TTN: variants seen among roughly 807,000 people sequenced by gnomAD.
The protein encoded by TTN is connectin.
A neutral mutation model predicts 3,223.0 loss-of-function variants in TTN; 1,525 were observed. The observed-to-expected ratio is 0.47, with a 90% CI of 0.45 to 0.49. TTN has a LOEUF of 0.49. Among genes scored for constraint, TTN ranks in the 20% least tolerant of loss-of-function variants. The pLI is 0.00. For missense variants in TTN, 40,786 were observed against 43,424.0 expected (o/e 0.94, Z 5.40); for synonymous variants, 14,094 against 15,161.0 (o/e 0.93, Z 5.17).
At chr2:178,672,798 A>C (rs1264537733) in intron 152 of TTN, 95 bp from the exon 153 acceptor site, 1 of 1,059,132 alleles carries the variant, frequency 9.4e-7, no homozygotes, top group East Asian at 2.6e-5. Context: ...ACAATAATTA[A>C]AGTTTTTCAG....
In TTN at chr2:178,582,197, G is replaced by A. The variant is rs199643269; in HGVS notation, c.66172C>T (p.Arg22058Cys). 135 of 1,603,578 alleles carry A rather than the reference G, an allele frequency of 8.4e-5. No individual in the cohort carries two copies. The African/African-American group carries it at 1.2e-3, about 14-fold the overall frequency. ...TTGCTAATAACAGGAGGATCACAGC[G>A]TCCTGGTGGGTCTGCAGAAATTGAT... ...IAKNPYDPPG[R>C]CDPPVISNIT... Residue 22058 changes from arginine to cysteine, a missense_variant, in exon 315 of 363, where the codon CGC (arginine) becomes TGC (cysteine). Transcript: ENST00000589042.
intron 123 of TTN, 58 bp from the exon 124 acceptor site, chr2:178,689,431 A>T: frequency 6.2e-7 from 1 of 1,606,578 alleles, no homozygotes; most frequent in Non-Finnish European, 8.5e-7. Context: ...AATGAGCAAC[A>T]TAGAAGTGGC....
rs775766481 is a variant in TTN at position 178,730,585 on chromosome 2, C to G, written c.17948G>C (p.Gly5983Ala). ...TAFLEISQLEGTDSGTYTCSA... is the reference protein window; with the variant it reads ...TAFLEISQLEATDSGTYTCSA... ...ACAAGTGTATGTCCCACTGTCTGTA[C>G]CTTCCAGCTGGCTGATTTCCAAGAA... Residue 5983 changes from glycine to alanine, a missense_variant, in exon 61 of 363, where the codon GGT becomes GCT. Coordinates refer to ENST00000589042, the MANE Select transcript of TTN (RefSeq NM_001267550.2). 3.1e-6 allele frequency: 5 copies of G among 1,613,504 alleles called. No homozygotes were observed. The highest frequency in any genetic ancestry group is 2.7e-5 in the African/African-American group (2 of 74,880).
intron 294 of TTN, among the ~76,000 whole-genome samples, chr2:178,596,319 A>G (rs867598925): frequency 1.3e-5 from 2 of 152,044 alleles, no homozygotes; most frequent in Admixed American, 6.6e-5. Flanking sequence ...TAGGTTTGCA[A>G]CAGTTATTGG....
chr2:178,779,191 A>C (rs1469924446), intron 23 of TTN, 38 bp downstream of exon 23: 1 of 1,613,066 alleles, frequency 6.2e-7, no homozygotes, highest in South Asian at 1.1e-5. Context: ...TTGTATCTTT[A>C]CTGTGGCAAG....
At position 178,572,574 on chromosome 2, in the gene TTN, G is replaced by T; in HGVS notation, c.73558C>A (p.Pro24520Thr). The T allele has an allele frequency of 6.2e-7, 1 of 1,613,396 alleles. No individual in the cohort carries two copies. Among genetic ancestry groups the T allele is most frequent in the Non-Finnish European group, 8.5e-7 (1 of 1,179,596 alleles). Residue 24520 changes from proline to threonine, a missense_variant, in exon 326 of 363, where the codon CCA becomes ACA. Physicochemically the swap from Pro to Thr is conservative, Grantham distance 38 (BLOSUM62 -1). Coordinates refer to ENST00000589042, the MANE Select transcript of TTN (RefSeq NM_001267550.2). ...ACCTTCAGATCCTGTGGGGGGCCTG[G>T]TGTATCGAGAACTCTAACATTGACA... ...AFVNVRVLDT[P>T]GPPQDLKVKE...
In TTN at chr2:178,766,630, T is replaced by TA. The variant is rs201990196; in HGVS notation, c.9472-19dup. The TA allele has an allele frequency of 1.2e-5, 19 of 1,593,294 alleles. No homozygotes were observed. The African/African-American group carries it at 1.8e-4, about 15-fold the overall frequency. ...TCAATGACCTGTTGATGGAACAACA[T>TA]AAAAAAACAACAACAACAACAAAAA... On this transcript the variant is annotated intron_variant, in intron 40 of 362. Transcript: ENST00000589042.
At chr2:178,748,553 A>G (rs977746403) in intron 47 of TTN, 11 of 1,612,950 alleles carry the variant, frequency 6.8e-6, no homozygotes, top group Non-Finnish European at 9.3e-6. Context: ...TTTTAGATCA[A>G]ATACAATGTT....
At position 178,789,455 on chromosome 2, in the gene TTN, C is replaced by T; in HGVS notation, c.1981G>A (p.Val661Ile). The change falls in exon 13 of 363, where the codon GTT becomes ATT. Residue 661 changes from valine to isoleucine, a missense_variant. Transcript: ENST00000589042. ...TGTTCTTTGGCTTTAGCAGTAGCAA[C>T]TGCTATTGTAGACAAGGCAGTTTTC... ...AEKTALSTIA[V>I]ATAKAKEQET... 6.2e-7 allele frequency: 1 copy of T among 1,613,488 alleles called. No homozygotes were observed. The highest frequency in any genetic ancestry group is 8.5e-7 in the Non-Finnish European group (1 of 1,179,590).
Position 178,565,675 on chromosome 2 carries a change from C to T in TTN, c.80457G>A (p.Met26819Ile), listed in dbSNP as rs749446343. 1.3e-5 allele frequency: 21 copies of T among 1,613,496 alleles called. No individual in the cohort carries two copies. Among genetic ancestry groups the T allele is most frequent in the Admixed American group, 1.7e-5 (1 of 59,976 alleles). The change falls in exon 326 of 363, where the codon ATG becomes ATA. Residue 26819 changes from methionine (M) to isoleucine (I), a missense_variant. Met to Ile is a conservative substitution (Grantham distance 10). Transcript: ENST00000589042. ...GSRVLGYVVE[M>I]QPKGTEKWSI... Reference sequence around the variant, plus strand: ...TCCATTTTTCAGTTCCTTTGGGCTGCATTTCAACAACGTACCCCAGGACTC... The same window carrying T: ...TCCATTTTTCAGTTCCTTTGGGCTGTATTTCAACAACGTACCCCAGGACTC...
intron 114 of TTN, 33 bp from the exon 115 acceptor site, chr2:178,695,443 C>T: frequency 1.3e-6 from 2 of 1,560,648 alleles, no homozygotes; most frequent in South Asian, 1.1e-5. Flanking sequence ...AGAAGGGATG[C>T]TTAAATAGGT....
At position 178,604,736 on chromosome 2, in the gene TTN, G is replaced by A. The variant is rs373881551; in HGVS notation, c.54353C>T (p.Thr18118Ile). The part of the protein sequence containing the change: ...SRKKAEWEEV[T>I]NTAVEKRYGI... Reference sequence around the variant, plus strand: ...ATATCTTTTCTCTACAGCAGTGTTGGTGACTTCCTCCCATTCTGCTTTCTT... The same window carrying A: ...ATATCTTTTCTCTACAGCAGTGTTGATGACTTCCTCCCATTCTGCTTTCTT... The change falls in exon 281 of 363, where the codon ACC (threonine) becomes ATC (isoleucine). Residue 18118 changes from threonine to isoleucine, a missense_variant. Thr to Ile is a moderately conservative substitution (Grantham distance 89). Transcript: ENST00000589042. The A allele has an allele frequency of 6.2e-7, 1 of 1,611,516 alleles. No individual in the cohort carries two copies. Among genetic ancestry groups the A allele is most frequent in the Non-Finnish European group, 8.5e-7 (1 of 1,178,552 alleles).
chr2:178,640,172 A>G, intron 221 of TTN, 62 bp from the exon 222 acceptor site: 39 of 1,517,314 alleles, frequency 2.6e-5, no homozygotes, highest in Non-Finnish European at 3.4e-5. Flanking sequence ...TCACAAAGTC[A>G]AAACTAAAAT....
At chr2:178,702,014 G>C (rs757165634) in intron 109 of TTN, 26 bp downstream of exon 109, 2 of 1,604,946 alleles carry the variant, frequency 1.2e-6, no homozygotes, top group African/African-American at 1.3e-5. Context: ...TTGTAAGCAA[G>C]GATTGATTTT....
intron 317 of TTN, 45 bp from the exon 318 acceptor site, chr2:178,580,274 C>T (rs1214694724): frequency 6.2e-7 from 1 of 1,604,800 alleles, no homozygotes; most frequent in Non-Finnish European, 8.5e-7. Flanking sequence ...GTAAAAAATA[C>T]ATAAGCTATT....
chr2:178,615,772 G>C lies in TTN; in HGVS notation c.48329C>G (p.Thr16110Ser). Reference protein sequence around the residue: ...KTWTKVMDFVTDLEFTVPDLV... With the variant: ...KTWTKVMDFVSDLEFTVPDLV... ...ATCAGGAACTGTGAATTCTAGATCA[G>C]TCACAAAGTCCATAACCTGGGACAA... Residue 16110 changes from threonine (T) to serine (S), a missense_variant, in exon 258 of 363, where the codon ACT (threonine) becomes AGT (serine). Coordinates refer to ENST00000589042, the MANE Select transcript of TTN (RefSeq NM_001267550.2). 6.2e-7 allele frequency: 1 copy of C among 1,611,318 alleles called. No homozygotes were observed. The highest frequency in any genetic ancestry group is 8.5e-7 in the Non-Finnish European group (1 of 1,178,496).
At chr2:178,644,350 C>G in intron 218 of TTN, 198 bp downstream of exon 218, 1 of 472,434 alleles carries the variant, frequency 2.1e-6, no homozygotes, top group Non-Finnish European at 3.7e-6. Context: ...CATGTCTATA[C>G]ATGTATGAAA....
At chr2:178,709,420 CAT>C (rs1173860474) in intron 99 of TTN, 144 bp downstream of exon 99, 4 of 793,732 alleles carry the variant, frequency 5.0e-6, no homozygotes, top group African/African-American at 1.7e-5. Context: ...TTTTAGTAAA[CAT>C]ATGGAGTGAT....
Position 178,527,974 on chromosome 2 carries a change from G to T in TTN, c.107378-226C>A, listed in dbSNP as rs886590201. On this transcript the variant is annotated intron_variant, in intron 361 of 362. Coordinates refer to ENST00000589042, the MANE Select transcript of TTN (RefSeq NM_001267550.2). Reference sequence around the variant, plus strand: ...TATTTCTATCATTACATTACATGCAGGTGCTAGGAATCACTAGGAGAAAAA... The same window carrying T: ...TATTTCTATCATTACATTACATGCATGTGCTAGGAATCACTAGGAGAAAAA... The T allele has an allele frequency of 3.1e-5, 17 of 541,806 alleles. No homozygotes were observed. The African/African-American group carries it at 3.2e-4, about 10-fold the overall frequency. The allele number at this position is 541,806 out of a possible 1,614,324, so 33.6% of individuals were successfully genotyped here. A position where few individuals can be genotyped will look rare whatever the true frequency, so the allele number is the denominator to read the frequency against.
Sources: gnomAD v4.1 joint callset for allele counts (sites outside exome capture counted in the v4.1 genomes callset) on GRCh38, gnomAD v4.1.1 for gene constraint, MANE v1.5 for transcripts, NCBI Gene and HGNC (gene_info 2026-07-23, HGNC 2026-07-21) for gene names.